TNRC6C: variants seen among roughly 807,000 people sequenced by gnomAD.
The protein encoded by TNRC6C is trinucleotide repeat-containing gene 6C protein.
TNRC6C carries 20 observed loss-of-function variants against 153.7 expected under a neutral mutation model. The ratio of observed to expected loss-of-function variants is 0.13; its 90% CI spans 0.09 to 0.19. The LOEUF (loss-of-function observed/expected upper bound fraction) is 0.19. Among genes scored for constraint, TNRC6C ranks in the 10% least tolerant of loss-of-function variants. TNRC6C has a pLI of 1.00. For synonymous variants in TNRC6C, 811 were observed against 841.4 expected, an observed-to-expected ratio of 0.96 and a Z score of 0.63; for missense variants, 1,987 against 2,172.0, an observed-to-expected ratio of 0.91 and a Z score of 1.69.
chr17:78,022,415 C>T (rs1460772702), intron 1 of TNRC6C, among the ~76,000 whole-genome samples: 1 of 152,206 alleles, frequency 6.6e-6, no homozygotes, highest in Non-Finnish European at 1.5e-5. Context: ...TTGCTTACTT[C>T]TTCCTTTCTG....
exon 20 of TNRC6C, chr17:78,106,063 A>G (rs1271571627): frequency 3.9e-5 from 6 of 152,062 alleles, no homozygotes; most frequent in African/African-American, 2.4e-5. Context: ...GAGAAAAAAA[A>G]AAAAAACTGT....
At chr17:78,087,306 G>A (rs2073312863) in intron 13 of TNRC6C, among the ~76,000 whole-genome samples, 1 of 151,910 alleles carries the variant, frequency 6.6e-6, no homozygotes, top group Admixed American at 6.6e-5. Flanking sequence ...TTTGAGAGAT[G>A]GGGGTCTCAC....
intron 1 of TNRC6C, among the ~76,000 whole-genome samples, chr17:77,981,616 G>A (rs542091777): frequency 2.2e-4 from 33 of 152,348 alleles, no homozygotes; most frequent in Middle Eastern, 3.4e-3. Flanking sequence ...TAATGAGTCA[G>A]AGATAGTAAT....
intron 2 of TNRC6C, among the ~76,000 whole-genome samples, chr17:78,035,464 G>C (rs1291600283): frequency 1.3e-5 from 2 of 152,200 alleles, no homozygotes; most frequent in Non-Finnish European, 2.9e-5. Flanking sequence ...GGTGATAGTT[G>C]TTAGTGTGAG....
chr17:78,058,170 C>T (rs1302258416), intron 3 of TNRC6C, among the ~76,000 whole-genome samples: 4 of 152,288 alleles, frequency 2.6e-5, no homozygotes, highest in East Asian at 3.9e-4. Flanking sequence ...TGCTACCTTG[C>T]GCTCTGCTGT....
At chr17:78,003,332 A>G (rs370584226), upstream of TNRC6C, among the ~76,000 whole-genome samples, 11 of 152,240 alleles carry the variant, frequency 7.2e-5, no homozygotes, top group South Asian at 2.1e-4. Context: ...TATCTAAGGG[A>G]AGAGGCATCC....
chr17:78,023,091 G>C (rs2071867292), intron 1 of TNRC6C, among the ~76,000 whole-genome samples: 1 of 151,902 alleles, frequency 6.6e-6, no homozygotes, highest in African/African-American at 2.4e-5. Flanking sequence ...TTCAAGTCCA[G>C]CCCACCCTGG....
intron 11 of TNRC6C, among the ~76,000 whole-genome samples, chr17:78,084,923 C>T (rs1166261078): frequency 1.3e-5 from 2 of 152,278 alleles, no homozygotes; most frequent in East Asian, 1.9e-4. Context: ...TGAGCCACTG[C>T]GCCTGGCCAG....
At chr17:78,037,825 C>T (rs548136110) in intron 2 of TNRC6C, among the ~76,000 whole-genome samples, 1 of 152,286 alleles carries the variant, frequency 6.6e-6, no homozygotes, top group East Asian at 1.9e-4. Flanking sequence ...TTCCAAACTT[C>T]ATCTAGAAGA....
chr17:78,100,531 C>T (rs1386765508), intron 17 of TNRC6C, among the ~76,000 whole-genome samples: 1 of 152,210 alleles, frequency 6.6e-6, no homozygotes, highest in Non-Finnish European at 1.5e-5. Context: ...GCGGCTGGGA[C>T]ACAAGGCACC....
intron 17 of TNRC6C, among the ~76,000 whole-genome samples, chr17:78,099,053 G>T (rs2073540863): frequency 6.6e-6 from 1 of 152,252 alleles, no homozygotes; most frequent in African/African-American, 2.4e-5. Context: ...CTCAGGTGCT[G>T]CATGTCGAAC....
At chr17:78,108,786 ATTTT>A (rs1555649239) in exon 20 of TNRC6C, 1 of 152,198 alleles carries the variant, frequency 6.6e-6, no homozygotes, top group Non-Finnish European at 1.5e-5. Flanking sequence ...GTGGATATAT[ATTTT>A]TTTAAGTTTA....
intron 1 of TNRC6C, among the ~76,000 whole-genome samples, chr17:77,999,155 C>T (rs1463377111): frequency 6.6e-6 from 1 of 152,226 alleles, no homozygotes; most frequent in African/African-American, 2.4e-5. Flanking sequence ...GGTTTGTACA[C>T]AGAATTGGGA....
At chr17:78,009,515 C>T (rs2071585123) in intron 1 of TNRC6C, among the ~76,000 whole-genome samples, 1 of 152,172 alleles carries the variant, frequency 6.6e-6, no homozygotes, top group Non-Finnish European at 1.5e-5. Flanking sequence ...TGAATACCTT[C>T]ATGACCCATT....
At chr17:78,078,840 C>T (rs913705336) in intron 9 of TNRC6C, among the ~76,000 whole-genome samples, 1 of 152,096 alleles carries the variant, frequency 6.6e-6, no homozygotes, top group African/African-American at 2.4e-5. Flanking sequence ...CACCTGTAAT[C>T]CCACCACTTT....
At chr17:78,086,626 T>C in intron 12 of TNRC6C, 40 bp downstream of exon 14, 3 of 1,596,096 alleles carry the variant, frequency 1.9e-6, no homozygotes, top group Non-Finnish European at 2.6e-6. Context: ...TGAGCTATAA[T>C]TTTCCCTGAT....
intron 1 of TNRC6C, among the ~76,000 whole-genome samples, chr17:78,020,711 T>C (rs534685671): frequency 3.3e-4 from 51 of 152,360 alleles, no homozygotes; most frequent in African/African-American, 1.2e-3. Context: ...ATCCAAAATA[T>C]CGCCATTTCA....
At chr17:77,958,331 C>A (rs2070825894), upstream of TNRC6C, among the ~76,000 whole-genome samples, 1 of 152,012 alleles carries the variant, frequency 6.6e-6, no homozygotes. Flanking sequence ...GTAAAGGACA[C>A]CACGCAAGTC....
At chr17:78,037,609 A>C (rs1041303498) in intron 2 of TNRC6C, among the ~76,000 whole-genome samples, 1 of 152,150 alleles carries the variant, frequency 6.6e-6, no homozygotes, top group African/African-American at 2.4e-5. Flanking sequence ...AAAAGCGCAG[A>C]CCCGCAGTTG....
Sources: gnomAD v4.1 joint callset for allele counts (sites outside exome capture counted in the v4.1 genomes callset) on GRCh38, gnomAD v4.1.1 for gene constraint, MANE v1.5 for transcripts, NCBI Gene and HGNC (gene_info 2026-07-23, HGNC 2026-07-21) for gene names.